Variants in TSHZ2 observed in about 807,000 individuals in gnomAD.
TSHZ2 encodes the protein teashirt homolog 2.
Under a neutral mutation model 74.4 loss-of-function variants are expected in TSHZ2, and 21 were observed. That is an observed-to-expected ratio of 0.28 (90% CI 0.20 to 0.41). The LOEUF (loss-of-function observed/expected upper bound fraction) is 0.41. Ranked by LOEUF, TSHZ2 falls within the 10% of genes least tolerant of loss-of-function variation. The pLI is 1.00. For synonymous variants in TSHZ2, 540 were observed against 515.3 expected, an observed-to-expected ratio of 1.05 and a Z score of -0.65; for missense variants, 1,244 against 1,293.5, an observed-to-expected ratio of 0.96 and a Z score of 0.59.
At chr20:53,059,844 C>T (rs1378859763) in intron 1 of TSHZ2, among the ~76,000 whole-genome samples, 2 of 152,194 alleles carry the variant, frequency 1.3e-5, no homozygotes, top group African/African-American at 4.8e-5. Flanking sequence ...AACACTAACA[C>T]TTCATCCCTT....
intron 1 of TSHZ2, among the ~76,000 whole-genome samples, chr20:53,199,544 G>A (rs944389824): frequency 9.9e-5 from 15 of 152,186 alleles, no homozygotes; most frequent in African/African-American, 3.6e-4. Context: ...ATCTTCTACA[G>A]TCCCCAGTCT....
At chr20:53,405,603 G>A (rs1229629288) in intron 2 of TSHZ2, among the ~76,000 whole-genome samples, 2 of 152,136 alleles carry the variant, frequency 1.3e-5, no homozygotes, top group South Asian at 2.1e-4. Context: ...ACATTCTAGG[G>A]AAAGAGAACA....
chr20:53,330,477 C>A (rs762013669), intron 2 of TSHZ2, among the ~76,000 whole-genome samples: 5 of 152,116 alleles, frequency 3.3e-5, no homozygotes, highest in Non-Finnish European at 5.9e-5. Flanking sequence ...AACGTGAATA[C>A]GGTTAGTGCA....
intron 1 of TSHZ2, among the ~76,000 whole-genome samples, chr20:53,154,754 G>A (rs1987752865): frequency 6.6e-6 from 1 of 152,146 alleles, no homozygotes; most frequent in African/African-American, 2.4e-5. Flanking sequence ...TATCTATAAA[G>A]TGAGTATAGA....
intron 1 of TSHZ2, among the ~76,000 whole-genome samples, chr20:53,193,600 A>G (rs549073382): frequency 9.8e-5 from 15 of 152,356 alleles, no homozygotes; most frequent in African/African-American, 3.1e-4. Context: ...CCTAGAACAC[A>G]GCTGATGTTA....
chr20:53,339,627 C>A (rs1980098171), intron 2 of TSHZ2, among the ~76,000 whole-genome samples: 1 of 152,112 alleles, frequency 6.6e-6, no homozygotes, highest in South Asian at 2.1e-4. Context: ...GTGCATGAAG[C>A]CAAGCACAGG....
intron 1 of TSHZ2, chr20:53,178,867 T>C (rs185174804): frequency 1.3e-5 from 2 of 152,234 alleles, no homozygotes; most frequent in African/African-American, 2.4e-5. Context: ...TATATCCTTT[T>C]TCATTTTCTT....
At chr20:53,222,286 A>G (rs73272829) in intron 1 of TSHZ2, among the ~76,000 whole-genome samples, 18,676 of 152,168 alleles carry the variant, frequency 0.12, 1,271 homozygotes, top group Non-Finnish European at 0.15. Context: ...TCCCTCTGGG[A>G]CACTGTTGCC....
At chr20:53,190,128 TATATA>T (rs1988700855) in intron 1 of TSHZ2, among the ~76,000 whole-genome samples, 5 of 100,934 alleles carry the variant, frequency 5.0e-5, no homozygotes, top group African/African-American at 1.9e-4. Flanking sequence ...TATATATATA[TATATA>T]TATATTTTCT....
chr20:53,469,250 A>C (rs899017954), intron 2 of TSHZ2, among the ~76,000 whole-genome samples: 1 of 151,534 alleles, frequency 6.6e-6, no homozygotes, highest in Non-Finnish European at 1.5e-5. Flanking sequence ...GTGGATCAAA[A>C]ATGACAATCA....
intron 2 of TSHZ2, among the ~76,000 whole-genome samples, chr20:53,328,136 AAC>A (rs970571557): frequency 6.6e-6 from 1 of 152,186 alleles, no homozygotes; most frequent in Admixed American, 6.5e-5. Context: ...CTTAGAGTCC[AAC>A]ACACTCTTCC....
intron 2 of TSHZ2, among the ~76,000 whole-genome samples, chr20:53,419,394 T>C (rs1474916109): frequency 6.6e-6 from 1 of 152,218 alleles, no homozygotes; most frequent in East Asian, 1.9e-4. Flanking sequence ...ATAAGGTATG[T>C]GTTAATAATA....
At chr20:53,055,400 T>A (rs1019140548) in intron 1 of TSHZ2, among the ~76,000 whole-genome samples, 1 of 152,202 alleles carries the variant, frequency 6.6e-6, no homozygotes, top group African/African-American at 2.4e-5. Flanking sequence ...TTGAAAACAA[T>A]TCACTAAAAT....
chr20:53,255,352 G>A lies in TSHZ2; in HGVS notation c.1894G>A (p.Asp632Asn), dbSNP rs141129077. 12 of 1,613,944 alleles carry A rather than the reference G, an allele frequency of 7.4e-6. No homozygotes were observed. The highest frequency in any genetic ancestry group is 3.3e-5 in the Admixed American group (2 of 60,000). The part of the protein sequence containing the change: ...EASSFSHSEG[D>N]SFRKSETPPE... Reference sequence around the variant, plus strand: ...CTCATCTTTCAGCCACAGTGAGGGCGATTCTTTCCGCAAAAGTGAAACACC... The same window carrying A: ...CTCATCTTTCAGCCACAGTGAGGGCAATTCTTTCCGCAAAAGTGAAACACC... Residue 632 changes from aspartate (D) to asparagine (N), a missense_variant, in exon 2 of 3, where the codon GAT becomes AAT. By Grantham distance (23) the Asp-to-Asn change is conservative. Around this residue, in one of 6 missense-constraint regions of TSHZ2, gnomAD observed 562 missense variants for 544.0 expected, o/e 1.03. Coordinates refer to ENST00000371497, the MANE Select transcript of TSHZ2 (RefSeq NM_173485.6). This position sits in a 1 kb window ranked among gnomAD's most constrained non-coding sequence, Gnocchi z 4.1.
At chr20:53,218,482 C>T (rs1048465183) in intron 1 of TSHZ2, among the ~76,000 whole-genome samples, 10 of 152,314 alleles carry the variant, frequency 6.6e-5, no homozygotes, top group Non-Finnish European at 1.2e-4. Flanking sequence ...CAGGTGATTT[C>T]GCATAAAAAT....
intron 2 of TSHZ2, among the ~76,000 whole-genome samples, chr20:53,301,032 G>A (rs533557070): frequency 6.6e-6 from 1 of 151,756 alleles, no homozygotes; most frequent in African/African-American, 2.4e-5. Context: ...GCAAGATCTC[G>A]GCTCACTGCA....
At chr20:53,258,505 TA>T (rs1990531718) in intron 2 of TSHZ2, among the ~76,000 whole-genome samples, 1 of 152,170 alleles carries the variant, frequency 6.6e-6, no homozygotes, top group Non-Finnish European at 1.5e-5. Flanking sequence ...TTCCACCTGT[TA>T]GGTTTGTAAT....
chr20:53,221,595 T>TC (rs1989558858), intron 1 of TSHZ2, among the ~76,000 whole-genome samples: 1 of 152,210 alleles, frequency 6.6e-6, no homozygotes, highest in African/African-American at 2.4e-5. Context: ...GCCAGCACCT[T>TC]CTGTGTCTGC....
At chr20:53,027,883 T>C (rs1983504411) in intron 1 of TSHZ2, among the ~76,000 whole-genome samples, 1 of 152,106 alleles carries the variant, frequency 6.6e-6, no homozygotes, top group African/African-American at 2.4e-5. Context: ...GGTGGTTAGA[T>C]ATTTTTTTTA....
Sources: gnomAD v4.1 joint callset for allele counts (sites outside exome capture counted in the v4.1 genomes callset) on GRCh38, gnomAD v4.1.1 for gene constraint, gnomAD v4.1.1 regional missense constraint, Gnocchi (gnomAD v3.1) non-coding constraint, MANE v1.5 for transcripts, NCBI Gene and HGNC (gene_info 2026-07-23, HGNC 2026-07-21) for gene names.